NECAB2: variants seen among roughly 807,000 people sequenced by gnomAD.
NECAB2 encodes N-terminal EF-hand calcium-binding protein 2.
A neutral mutation model predicts 51.9 loss-of-function variants in NECAB2; 68 were observed. The observed-to-expected ratio is 1.31, with a 90% CI of 1.08 to 1.60. NECAB2 has a LOEUF of 1.60. NECAB2 is among the 40% of genes most tolerant of loss of function. The pLI is 0.00. For missense variants in NECAB2, 854 were observed against 490.3 expected (o/e 1.74, Z -7.00); for synonymous variants, 329 against 203.5 (o/e 1.62, Z -5.25).
In NECAB2 at chr16:83,997,393, G is replaced by A. The variant is rs1462385834; in HGVS notation, c.849+124G>A. On this transcript the variant is annotated intron_variant, in intron 9 of 12. Coordinates refer to ENST00000305202, the MANE Select transcript of NECAB2 (RefSeq NM_019065.3). ...GCTTGGGACCACCAGGAGGGGAGAT[G>A]TCGCCCAGCGCTTGGCACCCAGACC... 1.1e-5 allele frequency: 13 copies of A among 1,228,774 alleles called. No individual in the cohort carries two copies. In the African/African-American group the frequency reaches 1.9e-4, roughly 18 times the overall value. The allele number at this position is 1,228,774 out of a possible 1,614,324, so 76.1% of individuals were successfully genotyped here.
chr16:83,969,708 A>T (rs2084328431), intron 1 of NECAB2, among the ~76,000 whole-genome samples: 1 of 151,358 alleles, frequency 6.6e-6, no homozygotes. Context: ...AGAGAGTGCT[A>T]GGAGGAGGTG....
At position 83,980,881 on chromosome 16, in the gene NECAB2, G is replaced by A. The variant is rs766752576; in HGVS notation, c.361+17G>A. 4 of 1,612,886 alleles carry A rather than the reference G, an allele frequency of 2.5e-6. No individual in the cohort carries two copies. In the Admixed American group the frequency reaches 6.7e-5, roughly 27 times the overall value. ...AGCTGTGTGGTAGGTGCCTGGCTATGCTGGGACCAAGATGGGGATGCTGGG... is the reference window on the plus strand; with the variant it reads ...AGCTGTGTGGTAGGTGCCTGGCTATACTGGGACCAAGATGGGGATGCTGGG... On this transcript the variant is annotated intron_variant, in intron 4 of 12. Transcript: ENST00000305202.
chr16:84,001,130 C>T (rs114945664), intron 11 of NECAB2, among the ~76,000 whole-genome samples: 2,023 of 152,200 alleles, frequency 0.013, 35 homozygotes, highest in South Asian at 0.054. Flanking sequence ...GAGGGCCTAA[C>T]CTAGAAGGTG....
At chr16:83,989,571 G>GTC (rs1181036533) in intron 5 of NECAB2, among the ~76,000 whole-genome samples, 1 of 152,222 alleles carries the variant, frequency 6.6e-6, no homozygotes, top group Non-Finnish European at 1.5e-5. Context: ...GGAAGGCGGG[G>GTC]TCTTGGCAGA....
Position 83,987,195 on chromosome 16 carries a change from CA to C in NECAB2, c.460-3297del, listed in dbSNP as rs2084567446. On this transcript the variant is annotated intron_variant, in intron 5 of 12. Transcript: ENST00000305202. ...AGAAAAAATAGTAAACTTAGAAAAA[CA>C]AGAAACCCAAGAGTCATTTTTGCCC... 3.9e-5 allele frequency among the ~76,000 whole-genome samples: 6 copies of C among 152,024 alleles called. No individual in the cohort carries two copies. In the South Asian group the frequency reaches 1.2e-3, roughly 32 times the overall value.
chr16:83,973,403 C>T (rs1216582011), intron 2 of NECAB2, among the ~76,000 whole-genome samples: 3 of 152,274 alleles, frequency 2.0e-5, no homozygotes, highest in South Asian at 2.1e-4. Flanking sequence ...TCAGTTCCAA[C>T]GAGTCTCCCA....
At chr16:83,981,798 C>T (rs914019276) in intron 5 of NECAB2, among the ~76,000 whole-genome samples, 13 of 152,136 alleles carry the variant, frequency 8.5e-5, no homozygotes, top group African/African-American at 3.1e-4. Flanking sequence ...CCATAGGGCA[C>T]ACTGGTCCAG....
chr16:83,987,736 C>A (rs899417175), intron 5 of NECAB2, among the ~76,000 whole-genome samples: 3 of 152,098 alleles, frequency 2.0e-5, no homozygotes, highest in Admixed American at 6.5e-5. Context: ...ATGAGTATTA[C>A]ATAGTTAATA....
chr16:83,966,124 G>A (rs1379333850), upstream of NECAB2: 14 of 836,072 alleles, frequency 1.7e-5, no homozygotes, highest in Non-Finnish European at 2.2e-5. Flanking sequence ...CACGTTGCTG[G>A]CCTTTGGGGT....
Position 84,001,821 on chromosome 16 carries a change from ACAGGCACCTGCAGAG to A in NECAB2, c.1041-2_1053del. The A allele has an allele frequency of 6.2e-7, 1 of 1,613,966 alleles. No homozygotes were observed. Among genetic ancestry groups the A allele is most frequent in the Non-Finnish European group, 8.5e-7 (1 of 1,179,908 alleles). ...CCTGACTCACACATGTCCCTGCGTCACAGGCACCTGCAGAGCCCCCTGTGTAAGGCGTTCCGGCAC... is the reference window on the plus strand; with the variant it reads ...CCTGACTCACACATGTCCCTGCGTCACCCCCTGTGTAAGGCGTTCCGGCAC... On this transcript the variant is annotated splice_acceptor_variant and splice_polypyrimidine_tract_variant and coding_sequence_variant and intron_variant, in exon 12 of 13. Transcript: ENST00000305202. LOFTEE classifies it high-confidence loss of function.
intron 2 of NECAB2, among the ~76,000 whole-genome samples, chr16:83,976,072 G>T (rs1175053151): frequency 1.3e-5 from 2 of 152,164 alleles, no homozygotes; most frequent in African/African-American, 4.8e-5. Flanking sequence ...CTCCCTGTGT[G>T]CAGAGGGGGC....
At chr16:83,993,669 T>TGTCTGC (rs57188868) in intron 6 of NECAB2, 2 of 151,422 alleles carry the variant, frequency 1.3e-5, no homozygotes, top group South Asian at 4.0e-4. Flanking sequence ...TGTGTGTGTG[T>TGTCTGC]CTGCCTCTGC....
chr16:84,002,649 AC>A lies in NECAB2; in HGVS notation c.*304del. The A allele has an allele frequency of 2.0e-6, 1 of 508,040 alleles. No homozygotes were observed. The highest frequency in any genetic ancestry group is 3.6e-6 in the Non-Finnish European group (1 of 280,480). The allele number at this position is 508,040 out of a possible 1,614,324, so 31.5% of individuals were successfully genotyped here. A position where few individuals can be genotyped will look rare whatever the true frequency, so the allele number is the denominator to read the frequency against. On this transcript the variant is annotated 3_prime_UTR_variant, in exon 13 of 13. Coordinates refer to ENST00000305202, the MANE Select transcript of NECAB2 (RefSeq NM_019065.3). ...CCCCTCACATGGCCACGCATGACCC[AC>A]ACTGACCACACCCTGCCCTCTTCGG... is the stretch of plus-strand genomic sequence containing the variant.
chr16:84,002,295 C>G (rs142971422), intron 12 of NECAB2, 23 bp from the exon 13 acceptor site: 2 of 1,613,600 alleles, frequency 1.2e-6, no homozygotes, highest in African/African-American at 1.3e-5. Context: ...CTCCTTCCCT[C>G]TAACGTGTCT....
At chr16:83,995,906 C>T (rs909295040) in intron 8 of NECAB2, among the ~76,000 whole-genome samples, 5 of 152,150 alleles carry the variant, frequency 3.3e-5, no homozygotes, top group Non-Finnish European at 5.9e-5. Context: ...ACTCAGCGGG[C>T]GCCTCGGGAG....
chr16:83,980,776 A>G lies in NECAB2; in HGVS notation c.336-63A>G, dbSNP rs2084476764. ...AGGATGTGTGTTTCGCAGGCTGTGCAGGGTCAGGCCTGCTAACCCCCTCTC... is the reference window on the plus strand; with the variant it reads ...AGGATGTGTGTTTCGCAGGCTGTGCGGGGTCAGGCCTGCTAACCCCCTCTC... On this transcript the variant is annotated intron_variant, in intron 3 of 12. Coordinates refer to ENST00000305202, the MANE Select transcript of NECAB2 (RefSeq NM_019065.3). 6 of 1,530,088 alleles carry G rather than the reference A, an allele frequency of 3.9e-6. No homozygotes were observed. In the Admixed American group the frequency reaches 7.8e-5, roughly 20 times the overall value. 94.8% of individuals were successfully genotyped at this position (1,530,088 alleles called of 1,614,324 possible). A position where few individuals can be genotyped will look rare whatever the true frequency, so the allele number is the denominator to read the frequency against.
chr16:83,983,540 G>A (rs1022396266), intron 5 of NECAB2, among the ~76,000 whole-genome samples: 1 of 152,174 alleles, frequency 6.6e-6, no homozygotes, highest in Non-Finnish European at 1.5e-5. Context: ...TCTTAGGAGG[G>A]TGGTGGTGAA....
At chr16:83,988,843 A>G (rs1427814307) in intron 5 of NECAB2, among the ~76,000 whole-genome samples, 1 of 151,986 alleles carries the variant, frequency 6.6e-6, no homozygotes, top group Non-Finnish European at 1.5e-5. Flanking sequence ...CCCCCCCATT[A>G]TGTAATATAC....
At chr16:83,980,899 A>T in intron 4 of NECAB2, 35 bp downstream of exon 4, 4 of 1,613,496 alleles carry the variant, frequency 2.5e-6, no homozygotes, top group Non-Finnish European at 2.5e-6. Flanking sequence ...CAAGATGGGG[A>T]TGCTGGGATG....
Sources: allele counts gnomAD v4.1 joint callset (sites outside exome capture counted in the v4.1 genomes callset), GRCh38; gene constraint gnomAD v4.1.1; transcripts MANE v1.5; gene names NCBI Gene and HGNC (gene_info 2026-07-23, HGNC 2026-07-21).